Variants in SGPP2 observed in about 807,000 individuals in gnomAD.
SGPP2 encodes the protein sphingosine-1-phosphate phosphatase 2, also known as sphingosine 1-phosphate phosphohydrolase 2.
SGPP2 carries 30 observed loss-of-function variants against 33.9 expected under a neutral mutation model. The observed-to-expected ratio is 0.89, with a 90% CI of 0.66 to 1.20. The LOEUF is 1.20. SGPP2 is among the 50% of genes most tolerant of loss of function. The pLI is 0.00. For synonymous variants in SGPP2, 233 were observed against 225.0 expected (o/e 1.04, Z -0.32); for missense variants, 458 against 532.1 (o/e 0.86, Z 1.37).
intron 2 of SGPP2, among the ~76,000 whole-genome samples, chr2:222,486,386 C>G (rs143563416): frequency 6.6e-6 from 1 of 152,080 alleles, no homozygotes; most frequent in African/African-American, 2.4e-5. Context: ...ATTATTATTC[C>G]GTCCTCTGTG....
intron 2 of SGPP2, among the ~76,000 whole-genome samples, chr2:222,516,151 T>C (rs961252314): frequency 6.6e-6 from 1 of 152,218 alleles, no homozygotes; most frequent in African/African-American, 2.4e-5. Flanking sequence ...TAAAGTTTTC[T>C]TATGCCCATT....
intron 1 of SGPP2, among the ~76,000 whole-genome samples, chr2:222,467,285 C>A (rs897965773): frequency 1.3e-5 from 2 of 152,060 alleles, no homozygotes; most frequent in South Asian, 2.1e-4. Flanking sequence ...TTGAGAAGTT[C>A]TTTCTAGAAG....
intron 4 of SGPP2, among the ~76,000 whole-genome samples, chr2:222,555,445 G>GTTTT (rs57228014): frequency 1.6e-4 from 14 of 85,866 alleles, no homozygotes; most frequent in South Asian, 4.4e-4. Context: ...TCTTTTATCC[G>GTTTT]TTTTTTTTTT....
At chr2:222,519,584 TA>T (rs1426823950) in intron 2 of SGPP2, among the ~76,000 whole-genome samples, 1 of 152,212 alleles carries the variant, frequency 6.6e-6, no homozygotes, top group East Asian at 1.9e-4. Context: ...TCATTTTAGA[TA>T]TGGGGGATAT....
intron 1 of SGPP2, among the ~76,000 whole-genome samples, chr2:222,446,867 T>C (rs374790208): frequency 6.6e-6 from 1 of 152,052 alleles, no homozygotes; most frequent in African/African-American, 2.4e-5. Flanking sequence ...CTGAAATAAA[T>C]GAGAAAATAT....
At position 222,432,060 on chromosome 2, in the gene SGPP2, T is replaced by C. The variant is rs1009722602; in HGVS notation, c.219+7239T>C. Among the ~76,000 whole-genome samples the C allele has an allele frequency of 2.6e-5, 4 of 152,374 alleles. No individual in the cohort carries two copies. The East Asian group carries it at 7.7e-4, about 29-fold the overall frequency. On this transcript the variant is annotated intron_variant, in intron 1 of 4. Transcript: ENST00000321276. ...CCTTAATGTGGCTTACTGCAGAATTTGGACTTTATCCTATAGACAAGAAGA... is the reference window on the plus strand; with the variant it reads ...CCTTAATGTGGCTTACTGCAGAATTCGGACTTTATCCTATAGACAAGAAGA...
At chr2:222,529,360 A>G (rs1457145369) in intron 4 of SGPP2, among the ~76,000 whole-genome samples, 1 of 151,946 alleles carries the variant, frequency 6.6e-6, no homozygotes, top group African/African-American at 2.4e-5. Context: ...TTTGAGACAG[A>G]GTCTCACTCT....
intron 4 of SGPP2, among the ~76,000 whole-genome samples, chr2:222,530,969 G>A (rs1459551926): frequency 6.6e-6 from 1 of 152,170 alleles, no homozygotes; most frequent in Non-Finnish European, 1.5e-5. Flanking sequence ...AGGAGTTGGA[G>A]GCTGTAGTGA....
chr2:222,477,889 A>C lies in SGPP2; in HGVS notation c.378+3163A>C, dbSNP rs917441343. 3.3e-5 allele frequency among the ~76,000 whole-genome samples: 5 copies of C among 152,114 alleles called. No homozygotes were observed. Among genetic ancestry groups the C allele is most frequent in the Non-Finnish European group, 7.4e-5 (5 of 68,014 alleles). On this transcript the variant is annotated intron_variant, in intron 2 of 4. Transcript: ENST00000321276. This position sits in a 1 kb window ranked among gnomAD's most constrained non-coding sequence, Gnocchi z 6.0. ...TGAGGCAAAATGACAAGCTTTTGTC[A>C]TAGAGTGAGGCAAATAAAATCTTTG... is the stretch of plus-strand genomic sequence containing the variant.
Position 222,477,321 on chromosome 2 carries a change from ATG to A in SGPP2, c.378+2601_378+2602del, listed in dbSNP as rs1475871723. Among the ~76,000 whole-genome samples the A allele has an allele frequency of 6.9e-6, 1 of 145,710 alleles. No homozygotes were observed. Among genetic ancestry groups the A allele is most frequent in the Admixed American group, 6.8e-5 (1 of 14,724 alleles). On this transcript the variant is annotated intron_variant, in intron 2 of 4. Transcript: ENST00000321276. This position sits in a 1 kb window ranked among gnomAD's most constrained non-coding sequence, Gnocchi z 6.0. Reference sequence around the variant, plus strand: ...TGTGTGTATATAGGTGTGAGTATATATGTGTGTCTATGTGTGTGTGTATAGGT... The same window carrying A: ...TGTGTGTATATAGGTGTGAGTATATATGTGTCTATGTGTGTGTGTATAGGT...
chr2:222,427,420 G>A, intron 1 of SGPP2, among the ~76,000 whole-genome samples: 1 of 151,984 alleles, frequency 6.6e-6, no homozygotes, highest in African/African-American at 2.4e-5. Flanking sequence ...GCCATCATCT[G>A]GTTTGTTGTT....
intron 1 of SGPP2, 38 bp downstream of exon 1, chr2:222,424,859 G>A (rs1055630618): frequency 6.2e-6 from 8 of 1,291,570 alleles, no homozygotes; most frequent in Non-Finnish European, 7.9e-6. Context: ...ACGGGGAGGG[G>A]GCGGCTGCGG....
At chr2:222,447,527 C>T (rs1350401869) in intron 1 of SGPP2, among the ~76,000 whole-genome samples, 1 of 151,828 alleles carries the variant, frequency 6.6e-6, no homozygotes, top group Admixed American at 6.6e-5. Context: ...ATATCTGGGC[C>T]GAGGATCCAT....
At chr2:222,478,895 T>C (rs1697989366) in intron 2 of SGPP2, among the ~76,000 whole-genome samples, 1 of 152,232 alleles carries the variant, frequency 6.6e-6, no homozygotes, top group African/African-American at 2.4e-5. Context: ...ATTATCTTAT[T>C]TGAGCTTCAT....
intron 3 of SGPP2, among the ~76,000 whole-genome samples, chr2:222,522,197 G>C (rs894369342): frequency 3.3e-5 from 5 of 152,236 alleles, no homozygotes; most frequent in African/African-American, 1.2e-4. Flanking sequence ...AGGACAACTA[G>C]CATAATATGG....
intron 2 of SGPP2, among the ~76,000 whole-genome samples, chr2:222,498,635 C>G (rs1334641229): frequency 6.6e-6 from 1 of 151,914 alleles, no homozygotes; most frequent in Non-Finnish European, 1.5e-5. Flanking sequence ...CTGTTCCAGA[C>G]TCTGGGCCAC....
intron 1 of SGPP2, among the ~76,000 whole-genome samples, chr2:222,433,350 G>T (rs374622583): frequency 6.6e-6 from 1 of 152,030 alleles, no homozygotes; most frequent in East Asian, 1.9e-4. Flanking sequence ...TGGGGATCTC[G>T]CAGTGCAACC....
Position 222,560,763 on chromosome 2 carries a change from G to A in SGPP2, c.*1865G>A, listed in dbSNP as rs916555764. 2 of 152,050 alleles carry A rather than the reference G, an allele frequency of 1.3e-5. No homozygotes were observed. Among genetic ancestry groups the A allele is most frequent in the Non-Finnish European group, 2.9e-5 (2 of 68,010 alleles). The allele number at this position is 152,050 out of a possible 1,614,324, so 9.4% of individuals were successfully genotyped here. ...TTTCTTGATTTCAAATATGTTCTAC[G>A]GCCTTACTGTTGGGATGATATTTAG... On this transcript the variant is annotated 3_prime_UTR_variant, in exon 5 of 5. Transcript: ENST00000321276.
intron 1 of SGPP2, among the ~76,000 whole-genome samples, chr2:222,463,976 T>C (rs62186121): frequency 0.095 from 14,331 of 151,598 alleles, 718 homozygotes; most frequent in East Asian, 0.13. Flanking sequence ...TGTACGTGTG[T>C]TGGGGTGAGG....
Sources: gnomAD v4.1 joint callset for allele counts (sites outside exome capture counted in the v4.1 genomes callset) on GRCh38, gnomAD v4.1.1 for gene constraint, Gnocchi (gnomAD v3.1) non-coding constraint, MANE v1.5 for transcripts, NCBI Gene and HGNC (gene_info 2026-07-23, HGNC 2026-07-21) for gene names.